KIT: variants seen among roughly 807,000 people sequenced by gnomAD.
The protein encoded by KIT is mast/stem cell growth factor receptor Kit.
Under a neutral mutation model 105.7 loss-of-function variants are expected in KIT, and 16 were observed. The ratio of observed to expected loss-of-function variants is 0.15; its 90% CI spans 0.10 to 0.23. The LOEUF (loss-of-function observed/expected upper bound fraction) is 0.23, where lower values mean the gene tolerates loss of function less well. Ranked by LOEUF, KIT falls within the 10% of genes least tolerant of loss-of-function variation. The pLI is 1.00. For missense variants in KIT, 858 were observed against 1,213.8 expected (o/e 0.71, Z 4.36); for synonymous variants, 438 against 441.1 (o/e 0.99, Z 0.09).
At chr4:54,684,889 C>T (rs1719203379) in intron 1 of KIT, among the ~76,000 whole-genome samples, 1 of 152,214 alleles carries the variant, frequency 6.6e-6, no homozygotes, top group African/African-American at 2.4e-5. Flanking sequence ...TTTCTCCTCA[C>T]TGCTGTCAGT....
At position 54,695,470 on chromosome 4, in the gene KIT, GGAA is replaced by G. The variant is rs778788305; in HGVS notation, c.68-36_68-34del. On this transcript the variant is annotated intron_variant, in intron 1 of 20. Transcript: ENST00000288135. The stretch of plus-strand genomic sequence containing the variant: ...TGGAAGAAGTGCTTTATTTCGCCAA[GGAA>G]GAAGATCATACTCAACACGATTCTG... The G allele has an allele frequency of 2.8e-5, 45 of 1,611,502 alleles. No individual in the cohort carries two copies. In the Admixed American group the frequency reaches 5.3e-4, roughly 19 times the overall value.
rs774405431 is a variant in KIT, at chr4:54,736,807, G to T, written c.2683G>T (p.Ala895Ser). 1 of 1,613,772 alleles carries T rather than the reference G, an allele frequency of 6.2e-7. No individual in the cohort carries two copies. The highest frequency in any genetic ancestry group is 1.3e-5 in the African/African-American group (1 of 74,908). ...CTTCCGGATGCTCAGCCCTGAACAC[G>T]CACCTGCTGAAATGTAAGAGCCAAA... is the stretch of plus-strand genomic sequence containing the variant. ...EGFRMLSPEHAPAEMYDIMKT... is the reference protein window; with the variant it reads ...EGFRMLSPEHSPAEMYDIMKT... The change falls in exon 19 of 21, where the codon GCA becomes TCA. Residue 895 changes from alanine (A) to serine (S), a missense_variant. Around this residue, in one of 7 missense-constraint regions of KIT, gnomAD observed 63 missense variants for 137.4 expected, o/e 0.46. Coordinates refer to ENST00000288135, the MANE Select transcript of KIT (RefSeq NM_000222.3).
chr4:54,675,750 G>A (rs1241412658), intron 1 of KIT, among the ~76,000 whole-genome samples: 3 of 152,108 alleles, frequency 2.0e-5, no homozygotes, highest in Non-Finnish European at 4.4e-5. Flanking sequence ...TGTCCAGGGA[G>A]GATATTTGCT....
chr4:54,674,159 T>C (rs1375251662), intron 1 of KIT, among the ~76,000 whole-genome samples: 1 of 152,170 alleles, frequency 6.6e-6, no homozygotes, highest in African/African-American at 2.4e-5. Context: ...CCCACACTGC[T>C]TACCTGCCCA....
intron 1 of KIT, among the ~76,000 whole-genome samples, chr4:54,680,712 T>G (rs982192823): frequency 6.6e-6 from 1 of 152,016 alleles, no homozygotes; most frequent in African/African-American, 2.4e-5. Flanking sequence ...TCCTCAAAAC[T>G]CCATTTCCCC....
intron 1 of KIT, among the ~76,000 whole-genome samples, chr4:54,682,367 C>T (rs1718999145): frequency 6.6e-6 from 1 of 152,070 alleles, no homozygotes; most frequent in South Asian, 2.1e-4. Context: ...GGATTAAAGG[C>T]ATGGGCCACC....
intron 1 of KIT, among the ~76,000 whole-genome samples, chr4:54,680,558 A>C (rs1055401771): frequency 1.3e-5 from 2 of 151,626 alleles, no homozygotes; most frequent in African/African-American, 2.4e-5. Flanking sequence ...CGCCCGGCTA[A>C]TTTTTTATAT....
Position 54,678,335 on chromosome 4 carries a change from TCC to T in KIT, c.68-17176_68-17175del, listed in dbSNP as rs1560381240. Among the ~76,000 whole-genome samples, 24 of 100,954 alleles carry T rather than the reference TCC, an allele frequency of 2.4e-4. 1 individual carries two copies. The highest frequency in any genetic ancestry group is 1.1e-3 in the African/African-American group (24 of 21,312). The allele number at this position is 100,954 out of a possible 152,430, so 66.2% of individuals were successfully genotyped here. A position where few individuals can be genotyped will look rare whatever the true frequency, so the allele number is the denominator to read the frequency against. ...TTCCTTCCTTCCTTCCTTCCTTCCT[TCC>T]TTCCTTCCTTCCTTCCCTCCCTCCC... On this transcript the variant is annotated intron_variant, in intron 1 of 20. Transcript: ENST00000288135.
chr4:54,704,497 C>T (rs1296903705), intron 5 of KIT, among the ~76,000 whole-genome samples: 1 of 152,092 alleles, frequency 6.6e-6, no homozygotes, highest in Non-Finnish European at 1.5e-5. Context: ...ACATGGTAAT[C>T]TGTCCCCGGA....
intron 17 of KIT, among the ~76,000 whole-genome samples, chr4:54,735,381 A>T (rs1722872339): frequency 6.9e-6 from 1 of 145,392 alleles, no homozygotes; most frequent in South Asian, 2.3e-4. Context: ...AAAAAAAAGA[A>T]AAAAAAAAAA....
chr4:54,724,756 TA>T (rs561488432), intron 8 of KIT, among the ~76,000 whole-genome samples: 2,934 of 141,350 alleles, frequency 0.021, 87 homozygotes, highest in African/African-American at 0.062. Context: ...GCTGATGAGC[TA>T]AAAAAAAAAA....
intron 1 of KIT, among the ~76,000 whole-genome samples, chr4:54,667,502 C>T (rs1717788327): frequency 6.6e-6 from 1 of 152,096 alleles, no homozygotes; most frequent in East Asian, 1.9e-4. Flanking sequence ...ATAGGCATCA[C>T]TTCTTGAATG....
intron 7 of KIT, among the ~76,000 whole-genome samples, chr4:54,722,640 C>T (rs1264443856): frequency 6.6e-6 from 1 of 151,890 alleles, no homozygotes; most frequent in African/African-American, 2.4e-5. Context: ...GGTTGGAATC[C>T]TTCAGATGTA....
chr4:54,703,166 G>A (rs79079293), intron 4 of KIT, among the ~76,000 whole-genome samples: 1,742 of 152,234 alleles, frequency 0.011, 35 homozygotes, highest in African/African-American at 0.04. Context: ...GTTCTTAGAT[G>A]TCTCTTATAC....
rs1297972085 is a variant in KIT, at chr4:54,739,097, C to T, written c.*540C>T. On this transcript the variant is annotated 3_prime_UTR_variant, in exon 21 of 21. Coordinates refer to ENST00000288135, the MANE Select transcript of KIT (RefSeq NM_000222.3). Reference sequence around the variant, plus strand: ...GACATAGGCCATGAAAAAAATGATCCCCAAGTGTGAACAAAAGATGCTCTT... The same window carrying T: ...GACATAGGCCATGAAAAAAATGATCTCCAAGTGTGAACAAAAGATGCTCTT... 7.6e-6 allele frequency: 3 copies of T among 395,652 alleles called. No homozygotes were observed. Among genetic ancestry groups the T allele is most frequent in the Non-Finnish European group, 1.3e-5 (3 of 223,348 alleles). The allele number at this position is 395,652 out of a possible 1,614,324, so 24.5% of individuals were successfully genotyped here. A position where few individuals can be genotyped will look rare whatever the true frequency, so the allele number is the denominator to read the frequency against.
chr4:54,687,532 CTTTCCT>C (rs1560387659), intron 1 of KIT, among the ~76,000 whole-genome samples: 1 of 152,112 alleles, frequency 6.6e-6, no homozygotes, highest in Non-Finnish European at 1.5e-5. Context: ...TTTAACCATT[CTTTCCT>C]TTCTGCCCCT....
intron 1 of KIT, among the ~76,000 whole-genome samples, chr4:54,668,799 T>A (rs1717891705): frequency 6.6e-6 from 1 of 152,190 alleles, no homozygotes; most frequent in African/African-American, 2.4e-5. Flanking sequence ...TTGAGAATTC[T>A]ACTTGGAAAG....
rs538833306 is a variant in KIT, at chr4:54,685,814, C to T, written c.68-9698C>T. ...CCAAGTGATAGACCTTTCTCCTCTTCTACCCCTCAGCCTGGCTGCACACAT... is the reference window on the plus strand; with the variant it reads ...CCAAGTGATAGACCTTTCTCCTCTTTTACCCCTCAGCCTGGCTGCACACAT... On this transcript the variant is annotated intron_variant, in intron 1 of 20. Transcript: ENST00000288135. Among the ~76,000 whole-genome samples, 5 of 152,362 alleles carry T rather than the reference C, an allele frequency of 3.3e-5. No homozygotes were observed. In the South Asian group the frequency reaches 1.0e-3, roughly 32 times the overall value.
At chr4:54,732,966 A>G in intron 16 of KIT, 104 bp from the exon 17 acceptor site, 1 of 976,402 alleles carries the variant, frequency 1.0e-6, no homozygotes, top group Non-Finnish European at 1.6e-6. Flanking sequence ...AAAGTATTGG[A>G]TTTTTTATAA....
Sources: allele counts gnomAD v4.1 joint callset (sites outside exome capture counted in the v4.1 genomes callset), GRCh38; gene constraint gnomAD v4.1.1; regional missense constraint gnomAD v4.1.1; transcripts MANE v1.5; gene names NCBI Gene and HGNC (gene_info 2026-07-23, HGNC 2026-07-21).